Variants in CST8 observed in about 807,000 individuals in gnomAD.
The protein encoded by CST8 is cystatin-8.
CST8 carries 20 observed loss-of-function variants against 11.8 expected under a neutral mutation model. That is an observed-to-expected ratio of 1.70 (90% CI 1.20 to 2.47). The LOEUF (loss-of-function observed/expected upper bound fraction) is 2.47. CST8 is among the 30% of genes most tolerant of loss of function. CST8 has a pLI of 0.00. For missense variants in CST8, 196 were observed against 167.2 expected (o/e 1.17, Z -0.95); for synonymous variants, 77 against 63.1 (o/e 1.22, Z -1.05).
the CST8 span, among the ~76,000 whole-genome samples, chr20:23,503,626 C>G: frequency 1.3e-5 from 2 of 152,194 alleles, no homozygotes; most frequent in East Asian, 3.9e-4. Context: ...TTCAGAAGTA[C>G]AAAAACATTA....
chr20:23,497,651 T>A (rs1416720238), downstream of CST8, among the ~76,000 whole-genome samples: 2 of 152,216 alleles, frequency 1.3e-5, no homozygotes, highest in Non-Finnish European at 2.9e-5. Flanking sequence ...GGCCTCACAA[T>A]CACGGCAGAA....
chr20:23,495,958 C>A lies in CST8; in HGVS notation c.*44C>A. 6.8e-7 allele frequency: 1 copy of A among 1,462,188 alleles called. No individual in the cohort carries two copies. Among genetic ancestry groups the A allele is most frequent in the Non-Finnish European group, 9.4e-7 (1 of 1,060,662 alleles). The allele number at this position is 1,462,188 out of a possible 1,614,324, so 90.6% of individuals were successfully genotyped here. A position where few individuals can be genotyped will look rare whatever the true frequency, so the allele number is the denominator to read the frequency against. Reference sequence around the variant, plus strand: ...CTCCAACCTCTGTGACTACTTTATCCATGAAAATGAAGCAATGGCAGGTGG... The same window carrying A: ...CTCCAACCTCTGTGACTACTTTATCAATGAAAATGAAGCAATGGCAGGTGG... On this transcript the variant is annotated 3_prime_UTR_variant, in exon 4 of 4. Coordinates refer to ENST00000246012, the MANE Select transcript of CST8 (RefSeq NM_005492.4).
chr20:23,500,733 C>G (rs1375149601), downstream of CST8, among the ~76,000 whole-genome samples: 1 of 130,372 alleles, frequency 7.7e-6, no homozygotes, highest in Non-Finnish European at 1.6e-5. Flanking sequence ...CTGATTCTTT[C>G]TGGACCTCTG....
At chr20:23,502,785 A>C in the CST8 span, among the ~76,000 whole-genome samples, 2 of 152,376 alleles carry the variant, frequency 1.3e-5, no homozygotes, top group South Asian at 4.1e-4. Flanking sequence ...CCCGGGCTGT[A>C]GACCTCCATT....
rs1447281546 is a variant in CST8, at chr20:23,493,072, G to A, written c.345+1G>A. 2 of 1,570,892 alleles carry A rather than the reference G, an allele frequency of 1.3e-6. No individual in the cohort carries two copies. The highest frequency in any genetic ancestry group is 1.8e-6 in the Non-Finnish European group (2 of 1,141,150). On this transcript the variant is annotated splice_donor_variant, in intron 3 of 3. Coordinates refer to ENST00000246012, the MANE Select transcript of CST8 (RefSeq NM_005492.4). LOFTEE classifies it high-confidence loss of function. Reference sequence around the variant, plus strand: ...TCAAGAAAACTCCAAGCTGAAAAGGGTAGGTGATGAACCACTCATCTGTGA... The same window carrying A: ...TCAAGAAAACTCCAAGCTGAAAAGGATAGGTGATGAACCACTCATCTGTGA...
At chr20:23,498,406 A>G (rs1988107894), downstream of CST8, among the ~76,000 whole-genome samples, 2 of 152,182 alleles carry the variant, frequency 1.3e-5, no homozygotes, top group South Asian at 2.1e-4. Flanking sequence ...TTTATCTCCC[A>G]TGGCTTGCTT....
the CST8 span, among the ~76,000 whole-genome samples, chr20:23,506,885 C>G: frequency 6.5e-4 from 99 of 152,296 alleles, no homozygotes; most frequent in African/African-American, 2.3e-3. Flanking sequence ...GTTCTCCTCC[C>G]CCTGCCCCGA....
downstream of CST8, among the ~76,000 whole-genome samples, chr20:23,500,101 A>G (rs1988147719): frequency 6.6e-6 from 1 of 151,830 alleles, no homozygotes; most frequent in Non-Finnish European, 1.5e-5. Flanking sequence ...GGCACATTTT[A>G]ACACTCAATC....
chr20:23,500,492 G>A (rs1988157354), downstream of CST8, among the ~76,000 whole-genome samples: 1 of 152,108 alleles, frequency 6.6e-6, no homozygotes, highest in South Asian at 2.1e-4. Context: ...AGGACTGCCT[G>A]CCCCCCAGGG....
chr20:23,501,816 T>C, the CST8 span, among the ~76,000 whole-genome samples: 3 of 152,238 alleles, frequency 2.0e-5, no homozygotes, highest in Non-Finnish European at 1.5e-5. Context: ...GGAGCAATTA[T>C]TGTTCCTTTT....
At position 23,491,262 on chromosome 20, in the gene CST8, A is replaced by G; in HGVS notation, c.-224A>G. On this transcript the variant is annotated 5_prime_UTR_variant, in exon 1 of 4. Coordinates refer to ENST00000246012, the MANE Select transcript of CST8 (RefSeq NM_005492.4). ...AAAGTCCACCAAGGGCTGAGGCCAC[A>G]AGGCCTCTGGGGCAGCCACAGTTTT... is the stretch of plus-strand genomic sequence containing the variant. 5.4e-6 allele frequency: 1 copy of G among 184,238 alleles called. No homozygotes were observed. Among genetic ancestry groups the G allele is most frequent in the Non-Finnish European group, 1.1e-5 (1 of 88,104 alleles). The allele number at this position is 184,238 out of a possible 1,614,324, so 11.4% of individuals were successfully genotyped here.
chr20:23,496,066 A>C (rs145258630), downstream of CST8: 1 of 623,098 alleles, frequency 1.6e-6, no homozygotes, highest in African/African-American at 1.9e-5. Context: ...TGGGGACAGA[A>C]GATGGGCATG....
the CST8 span, among the ~76,000 whole-genome samples, chr20:23,501,319 G>GAAAGTA: frequency 6.6e-6 from 1 of 152,166 alleles, no homozygotes; most frequent in Non-Finnish European, 1.5e-5. Flanking sequence ...AAGTAGTCTA[G>GAAAGTA]GTTTATAACT....
At chr20:23,505,139 CTTTTTTTTTTT>C in the CST8 span, among the ~76,000 whole-genome samples, 2 of 82,030 alleles carry the variant, frequency 2.4e-5, no homozygotes, top group South Asian at 4.6e-4. Context: ...AAGAAGCATT[CTTTTTTTTTTT>C]TTTTTTTTTT....
At chr20:23,500,333 A>G (rs1017805976), downstream of CST8, among the ~76,000 whole-genome samples, 2 of 152,108 alleles carry the variant, frequency 1.3e-5, no homozygotes, top group East Asian at 1.9e-4. Context: ...GCAGCAGCAT[A>G]GAGCTCAGAG....
rs1274038928 is a variant in CST8 at position 23,493,038 on chromosome 20, C to A, written c.312C>A (p.Ile104=). Residue 104 remains isoleucine (I), a synonymous_variant, in exon 3 of 4, where the codon ATC becomes ATA. Transcript: ENST00000246012. ...DCRKPLSTNE[I]CAIQENSKLK... Reference sequence around the variant, plus strand: ...GAAAGCCTTTAAGCACTAATGAAATCTGCGCCATTCAAGAAAACTCCAAGC... The same window carrying A: ...GAAAGCCTTTAAGCACTAATGAAATATGCGCCATTCAAGAAAACTCCAAGC... The A allele has an allele frequency of 1.2e-6, 2 of 1,612,326 alleles. No individual in the cohort carries two copies. Among genetic ancestry groups the A allele is most frequent in the African/African-American group, 1.3e-5 (1 of 74,976 alleles).
At chr20:23,500,462 A>G (rs1988156704), downstream of CST8, among the ~76,000 whole-genome samples, 1 of 152,064 alleles carries the variant, frequency 6.6e-6, no homozygotes, top group African/African-American at 2.4e-5. Context: ...ATCTGCTCAC[A>G]CATGACCTGG....
the CST8 span, among the ~76,000 whole-genome samples, chr20:23,506,436 T>C: frequency 6.6e-6 from 1 of 152,166 alleles, no homozygotes; most frequent in Non-Finnish European, 1.5e-5. Flanking sequence ...TTTGAAGAAG[T>C]CCCATTCCCC....
the CST8 span, among the ~76,000 whole-genome samples, chr20:23,505,999 T>TG: frequency 1.3e-5 from 2 of 151,918 alleles, no homozygotes; most frequent in African/African-American, 4.8e-5. Context: ...CTCCTAGTTT[T>TG]TTTTTTTTTT....
Sources: allele counts gnomAD v4.1 joint callset (sites outside exome capture counted in the v4.1 genomes callset), GRCh38; gene constraint gnomAD v4.1.1; transcripts MANE v1.5; gene names NCBI Gene and HGNC (gene_info 2026-07-23, HGNC 2026-07-21).